TMEM232: variants seen among roughly 807,000 people sequenced by gnomAD.
TMEM232 encodes the protein transmembrane protein 232.
TMEM232 carries 80 observed loss-of-function variants against 78.8 expected under a neutral mutation model. That is an observed-to-expected ratio of 1.01 (90% CI 0.85 to 1.22). The LOEUF is 1.22. TMEM232 is among the 50% of genes most tolerant of loss of function. TMEM232 has a pLI of 0.00. For missense variants in TMEM232, 881 were observed against 742.2 expected (o/e 1.19, Z -2.17); for synonymous variants, 297 against 254.3 (o/e 1.17, Z -1.60).
At chr5:110,567,342 C>T (rs115610903) in intron 11 of TMEM232, among the ~76,000 whole-genome samples, 2,944 of 151,002 alleles carry the variant, frequency 0.019, 88 homozygotes, top group African/African-American at 0.069. Context: ...AATTATTAAA[C>T]ATGGTTATAG....
intron 1 of TMEM232, among the ~76,000 whole-genome samples, chr5:110,675,407 T>C (rs1361928352): frequency 6.6e-6 from 1 of 151,800 alleles, no homozygotes; most frequent in East Asian, 1.9e-4. Flanking sequence ...TCGCTTGGAG[T>C]AGTTATTCAA....
intron 5 of TMEM232, among the ~76,000 whole-genome samples, chr5:110,631,504 T>C (rs533330726): frequency 2.6e-5 from 4 of 152,188 alleles, no homozygotes; most frequent in South Asian, 2.1e-4. Context: ...GGCTCATGCA[T>C]AGGGATTCTC....
intron 11 of TMEM232, among the ~76,000 whole-genome samples, chr5:110,562,580 G>C (rs1775878119): frequency 6.6e-6 from 1 of 151,932 alleles, no homozygotes; most frequent in Non-Finnish European, 1.5e-5. Flanking sequence ...CTTTGATGTA[G>C]CTAGCCACAT....
intron 12 of TMEM232, among the ~76,000 whole-genome samples, chr5:110,498,026 A>G (rs10035983): frequency 0.32 from 49,408 of 152,064 alleles, 14,008 homozygotes; most frequent in African/African-American, 0.76. Flanking sequence ...AAGACAGTTA[A>G]TACTTTTAAT....
At chr5:110,527,641 G>C (rs1440301863) in intron 12 of TMEM232, among the ~76,000 whole-genome samples, 1 of 151,684 alleles carries the variant, frequency 6.6e-6, no homozygotes, top group African/African-American at 2.4e-5. Context: ...ATATATAGCA[G>C]GTACAATGAA....
intron 12 of TMEM232, among the ~76,000 whole-genome samples, chr5:110,485,520 C>G (rs1178269822): frequency 6.6e-6 from 1 of 152,140 alleles, no homozygotes; most frequent in Non-Finnish European, 1.5e-5. Context: ...TTTGCATCCT[C>G]ATAGCTTAGC....
In TMEM232 at chr5:110,695,746, A is replaced by G. The variant is rs144912843; in HGVS notation, c.-12-28382T>C. Among the ~76,000 whole-genome samples the G allele has an allele frequency of 3.1e-3, 469 of 152,326 alleles. 1 individual carries two copies. Among genetic ancestry groups the G allele is most frequent in the African/African-American group, 0.011 (453 of 41,578 alleles). The stretch of plus-strand genomic sequence containing the variant: ...CGACACATACACCCTCCAAAAACTA[A>G]ACCAGCAAGAAGCTGAATCTCTGAA... On this transcript the variant is annotated intron_variant, in intron 1 of 13. Transcript: ENST00000455884.
At chr5:110,681,228 C>T (rs567025225) in intron 1 of TMEM232, among the ~76,000 whole-genome samples, 1 of 152,116 alleles carries the variant, frequency 6.6e-6, no homozygotes, top group South Asian at 2.1e-4. Context: ...AGAAATTTGG[C>T]CGAGGGGTGA....
At chr5:110,565,734 A>G (rs1294598025) in intron 11 of TMEM232, among the ~76,000 whole-genome samples, 1 of 151,942 alleles carries the variant, frequency 6.6e-6, no homozygotes, top group Non-Finnish European at 1.5e-5. Context: ...ATATTCAGTT[A>G]CCTGCTAAAT....
intron 12 of TMEM232, among the ~76,000 whole-genome samples, chr5:110,520,050 T>TATATATATATATAGAGAGAG (rs374219408): frequency 6.8e-6 from 1 of 147,232 alleles, no homozygotes; most frequent in African/African-American, 2.5e-5. Flanking sequence ...TATATATATA[T>TATATATATATATAGAGAGAG]AGAGAGAGAG....
intron 1 of TMEM232, among the ~76,000 whole-genome samples, chr5:110,715,298 G>C (rs2150327277): frequency 6.6e-6 from 1 of 151,960 alleles, no homozygotes; most frequent in African/African-American, 2.4e-5. Flanking sequence ...AAAAACCATA[G>C]GCTGAAGAAA....
chr5:110,732,793 T>G (rs1326421139), intron 2 of TMEM232, among the ~76,000 whole-genome samples: 1 of 152,144 alleles, frequency 6.6e-6, no homozygotes, highest in African/African-American at 2.4e-5. Flanking sequence ...TAAATGCTAC[T>G]GGGAATAAAT....
intron 12 of TMEM232, among the ~76,000 whole-genome samples, chr5:110,426,724 T>G (rs923528416): frequency 1.3e-5 from 2 of 151,862 alleles, no homozygotes; most frequent in Admixed American, 1.3e-4. Flanking sequence ...GCCATTCTAT[T>G]AAAGTACTGT....
At chr5:110,539,924 AAGCAAC>A (rs1009091941) in intron 11 of TMEM232, among the ~76,000 whole-genome samples, 2 of 152,176 alleles carry the variant, frequency 1.3e-5, no homozygotes, top group African/African-American at 4.8e-5. Context: ...TCCCCATACC[AAGCAAC>A]AGCTTTGTTC....
intron 2 of TMEM232, among the ~76,000 whole-genome samples, chr5:110,665,472 T>C (rs1440239754): frequency 6.6e-6 from 1 of 151,830 alleles, no homozygotes; most frequent in African/African-American, 2.4e-5. Flanking sequence ...CACAGGAAAT[T>C]TACAATCATG....
At chr5:110,704,218 C>T (rs1053036532) in intron 1 of TMEM232, among the ~76,000 whole-genome samples, 1 of 152,020 alleles carries the variant, frequency 6.6e-6, no homozygotes, top group East Asian at 1.9e-4. Context: ...AAGGGTTCAC[C>T]TGAACTTTGT....
intron 2 of TMEM232, among the ~76,000 whole-genome samples, chr5:110,413,858 A>T (rs1355008454): frequency 1.3e-5 from 2 of 152,236 alleles, no homozygotes; most frequent in Admixed American, 6.5e-5. Flanking sequence ...TTCTAAAGGG[A>T]AAAAAGACAC....
At chr5:110,513,438 A>C (rs1768092984) in intron 12 of TMEM232, among the ~76,000 whole-genome samples, 1 of 152,192 alleles carries the variant, frequency 6.6e-6, no homozygotes, top group African/African-American at 2.4e-5. Context: ...CATACAACTT[A>C]ATATCAAATA....
At chr5:110,556,331 C>A (rs1391907616) in intron 11 of TMEM232, among the ~76,000 whole-genome samples, 1 of 150,938 alleles carries the variant, frequency 6.6e-6, no homozygotes, top group Non-Finnish European at 1.5e-5. Flanking sequence ...TTCCTTCCTC[C>A]CTTTCCTTCC....
Sources: gnomAD v4.1 joint callset for allele counts (sites outside exome capture counted in the v4.1 genomes callset) on GRCh38, gnomAD v4.1.1 for gene constraint, MANE v1.5 for transcripts, NCBI Gene and HGNC (gene_info 2026-07-23, HGNC 2026-07-21) for gene names.